Variants in GNAI1 observed in about 807,000 individuals in gnomAD.
GNAI1 encodes the protein G protein subunit alpha i1.
A neutral mutation model predicts 38.9 loss-of-function variants in GNAI1; 11 were observed. The observed-to-expected ratio is 0.28, with a 90% CI of 0.18 to 0.47. The LOEUF is 0.47. GNAI1 is among the 20% of genes least tolerant of loss of function. GNAI1 has a pLI of 0.99. For synonymous variants in GNAI1, 166 were observed against 145.1 expected (o/e 1.14, Z -1.04); for missense variants, 317 against 436.9 (o/e 0.73, Z 2.45).
chr7:80,156,081 T>C (rs899093037), intron 1 of GNAI1, among the ~76,000 whole-genome samples: 2 of 150,234 alleles, frequency 1.3e-5, no homozygotes, highest in East Asian at 3.9e-4. Context: ...AGCAAGCTGA[T>C]GTACATATCA....
chr7:80,189,000 A>C lies in GNAI1; in HGVS notation c.161+7A>C. The C allele has an allele frequency of 6.2e-7, 1 of 1,605,538 alleles. No individual in the cohort carries two copies. Among genetic ancestry groups the C allele is most frequent in the East Asian group, 2.2e-5 (1 of 44,810 alleles). ...CAATTGTGAAGCAGATGAAGTAAGT[A>C]GATTTAAACACCAAATTTGCTGTTT... On this transcript the variant is annotated splice_region_variant and intron_variant, in intron 2 of 7. Coordinates refer to ENST00000649796, the MANE Select transcript of GNAI1 (RefSeq NM_002069.6).
At chr7:80,197,692 G>GTGTCGCTTGCATGCATTTC (rs1788603169) in intron 3 of GNAI1, among the ~76,000 whole-genome samples, 1 of 152,028 alleles carries the variant, frequency 6.6e-6, no homozygotes, top group African/African-American at 2.4e-5. Context: ...TATCATGCAC[G>GTGTCGCTTGCATGCATTTC]TGTCGCTTGC....
chr7:80,149,028 C>G (rs1379679129), intron 1 of GNAI1, among the ~76,000 whole-genome samples: 1 of 152,040 alleles, frequency 6.6e-6, no homozygotes, highest in Non-Finnish European at 1.5e-5. Context: ...TATTTACTTT[C>G]AAATGCTGCT....
chr7:80,140,043 G>A (rs1447719572), intron 1 of GNAI1, among the ~76,000 whole-genome samples: 2 of 150,452 alleles, frequency 1.3e-5, no homozygotes, highest in Non-Finnish European at 3.0e-5. Flanking sequence ...GAGTGCAGTG[G>A]CGCAGTCTCC....
intron 1 of GNAI1, among the ~76,000 whole-genome samples, chr7:80,143,070 T>C (rs1362223929): frequency 1.3e-5 from 2 of 152,204 alleles, no homozygotes; most frequent in Non-Finnish European, 1.5e-5. Context: ...AGCAGGCTGC[T>C]CAGAGGCTCA....
rs1278863985 is a variant in GNAI1, at chr7:80,225,524, C to T, written c.*8031C>T. ...AAATTCCTTTCTTTCTCCACACCTC[C>T]CACAGGACTGGGCTGAGCACAGTCA... On this transcript the variant is annotated 3_prime_UTR_variant, in exon 8 of 8. Coordinates refer to ENST00000649796, the MANE Select transcript of GNAI1 (RefSeq NM_002069.6). Among the ~76,000 whole-genome samples the T allele has an allele frequency of 1.3e-5, 2 of 152,012 alleles. No homozygotes were observed. Among genetic ancestry groups the T allele is most frequent in the Non-Finnish European group, 2.9e-5 (2 of 68,004 alleles).
At chr7:80,200,324 C>CAAAAAAAAAAAAAAAAAAAAAA (rs59511755) in intron 4 of GNAI1, among the ~76,000 whole-genome samples, 1 of 40,374 alleles carries the variant, frequency 2.5e-5, no homozygotes, top group African/African-American at 1.7e-4. Flanking sequence ...GGCCATGTCT[C>CAAAAAAAAAAAAAAAAAAAAAA]AAAAAAAAAA....
intron 1 of GNAI1, among the ~76,000 whole-genome samples, chr7:80,153,337 A>G (rs2116106536): frequency 6.6e-6 from 1 of 152,302 alleles, no homozygotes; most frequent in East Asian, 1.9e-4. Flanking sequence ...TGTGCATCTT[A>G]AAAATTAGTA....
At chr7:80,182,261 AGATT>A (rs564079610) in intron 1 of GNAI1, among the ~76,000 whole-genome samples, 77 of 152,324 alleles carry the variant, frequency 5.1e-4, no homozygotes, top group African/African-American at 1.8e-3. Context: ...CAGATAATTT[AGATT>A]GATTGCATAA....
chr7:80,176,430 A>G (rs1788183014), intron 1 of GNAI1, among the ~76,000 whole-genome samples: 1 of 152,228 alleles, frequency 6.6e-6, no homozygotes, highest in Non-Finnish European at 1.5e-5. Flanking sequence ...GAAGATGACT[A>G]CACTAAACAA....
chr7:80,208,980 C>G (rs569135933), intron 5 of GNAI1, among the ~76,000 whole-genome samples: 25 of 152,308 alleles, frequency 1.6e-4, no homozygotes, highest in African/African-American at 5.8e-4. Flanking sequence ...CTACAACATT[C>G]TGTCCACAAT....
At chr7:80,169,469 G>A (rs1214580422) in intron 1 of GNAI1, among the ~76,000 whole-genome samples, 2 of 152,142 alleles carry the variant, frequency 1.3e-5, no homozygotes, top group African/African-American at 2.4e-5. Context: ...AGCAAATTGT[G>A]TATTCAGAAA....
At chr7:80,166,985 G>A (rs941003435) in intron 1 of GNAI1, among the ~76,000 whole-genome samples, 1 of 152,166 alleles carries the variant, frequency 6.6e-6, no homozygotes, top group Non-Finnish European at 1.5e-5. Context: ...GCCTGTGAGA[G>A]CTGATGAGGT....
intron 5 of GNAI1, among the ~76,000 whole-genome samples, chr7:80,207,392 A>G (rs1029155094): frequency 2.0e-5 from 3 of 152,196 alleles, no homozygotes; most frequent in South Asian, 4.1e-4. Flanking sequence ...ACTGGGATTC[A>G]GTAAAGTTGA....
chr7:80,217,691 A>G lies in GNAI1; in HGVS notation c.*198A>G, dbSNP rs1788997729. ...TCTTAAATGTGACAGATGGTCCTGC[A>G]GTGTGAAACTGAAGGACAGTGTTAA... On this transcript the variant is annotated 3_prime_UTR_variant, in exon 8 of 8. Transcript: ENST00000649796. 2 of 375,024 alleles carry G rather than the reference A, an allele frequency of 5.3e-6. No homozygotes were observed. The highest frequency in any genetic ancestry group is 9.5e-6 in the Non-Finnish European group (2 of 209,588). 23.2% of individuals were successfully genotyped at this position (375,024 alleles called of 1,614,324 possible). A position where few individuals can be genotyped will look rare whatever the true frequency, so the allele number is the denominator to read the frequency against.
intron 4 of GNAI1, among the ~76,000 whole-genome samples, chr7:80,201,522 C>A (rs1485328138): frequency 6.6e-6 from 1 of 151,966 alleles, no homozygotes; most frequent in African/African-American, 2.4e-5. Flanking sequence ...AATTCCAGAC[C>A]ATCCTGGCCA....
At chr7:80,149,650 C>T (rs186810076) in intron 1 of GNAI1, among the ~76,000 whole-genome samples, 185 of 152,200 alleles carry the variant, frequency 1.2e-3, no homozygotes, top group East Asian at 5.2e-3. Flanking sequence ...TCATCAGAAC[C>T]TGTCTTGTAA....
chr7:80,149,413 A>T (rs1036733316), intron 1 of GNAI1, among the ~76,000 whole-genome samples: 1 of 152,086 alleles, frequency 6.6e-6, no homozygotes, highest in Non-Finnish European at 1.5e-5. Flanking sequence ...TGATGTGTAT[A>T]GATATTCACC....
At position 80,135,098 on chromosome 7, in the gene GNAI1, C is replaced by T. The variant is rs1263523153; in HGVS notation, c.-63C>T. ...CCCGCTAGGAGAGAGAAAGGATTCC[C>T]CTGTGCTTGGAGCCCGCACTCGGGC... On this transcript the variant is annotated 5_prime_UTR_variant, in exon 1 of 8. Coordinates refer to ENST00000649796, the MANE Select transcript of GNAI1 (RefSeq NM_002069.6). 53 of 1,149,982 alleles carry T rather than the reference C, an allele frequency of 4.6e-5. No individual in the cohort carries two copies. The highest frequency in any genetic ancestry group is 6.1e-5 in the Non-Finnish European group (51 of 838,470). 71.2% of individuals were successfully genotyped at this position (1,149,982 alleles called of 1,614,324 possible).
Sources: gnomAD v4.1 joint callset for allele counts (sites outside exome capture counted in the v4.1 genomes callset) on GRCh38, gnomAD v4.1.1 for gene constraint, MANE v1.5 for transcripts, NCBI Gene and HGNC (gene_info 2026-07-23, HGNC 2026-07-21) for gene names.